Variants in ZNRF3 observed in about 807,000 individuals in gnomAD.
ZNRF3 encodes zinc and ring finger 3.
A neutral mutation model predicts 72.5 loss-of-function variants in ZNRF3; 23 were observed. The ratio of observed to expected loss-of-function variants is 0.32; its 90% CI spans 0.23 to 0.45. The LOEUF (loss-of-function observed/expected upper bound fraction) is 0.45. Ranked by LOEUF, ZNRF3 falls within the 20% of genes least tolerant of loss-of-function variation. The pLI, the probability that ZNRF3 is intolerant of heterozygous loss-of-function variation, is 1.00. For synonymous variants in ZNRF3, 610 were observed against 545.3 expected (o/e 1.12, Z -1.65); for missense variants, 1,169 against 1,272.1 (o/e 0.92, Z 1.23).
intron 1 of ZNRF3, among the ~76,000 whole-genome samples, chr22:28,894,476 T>A (rs1391809654): frequency 6.6e-6 from 1 of 151,976 alleles, no homozygotes; most frequent in East Asian, 1.9e-4. Context: ...AGGTTGCCCT[T>A]GTATTCTGGG....
chr22:28,917,153 C>T (rs966153665), intron 1 of ZNRF3, among the ~76,000 whole-genome samples: 2 of 152,174 alleles, frequency 1.3e-5, no homozygotes, highest in Non-Finnish European at 2.9e-5. Flanking sequence ...AGCTCAGCCC[C>T]ACCTGAATGC....
At chr22:28,994,418 A>G (rs1015544847) in intron 2 of ZNRF3, among the ~76,000 whole-genome samples, 3 of 150,400 alleles carry the variant, frequency 2.0e-5, no homozygotes, top group Non-Finnish European at 3.0e-5. Context: ...GCTGGTCTCA[A>G]ACTCAGGTGA....
At chr22:29,008,308 C>T (rs537816157) in intron 2 of ZNRF3, among the ~76,000 whole-genome samples, 1 of 152,276 alleles carries the variant, frequency 6.6e-6, no homozygotes, top group South Asian at 2.1e-4. Flanking sequence ...CTGTGGATTC[C>T]CCCGAGGAAC....
chr22:28,883,659 C>T lies in ZNRF3; in HGVS notation c.-108C>T. On this transcript the variant is annotated 5_prime_UTR_variant, in exon 1 of 9. Transcript: ENST00000544604. The surrounding 1 kb of genome is among the most constrained non-coding windows in gnomAD (Gnocchi z 5.5). Reference sequence around the variant, plus strand: ...AGCCTGCGACCCACAAAGCCGCCGCCGCCGCCGCCGTGATGGGGCTGTGAG... The same window carrying T: ...AGCCTGCGACCCACAAAGCCGCCGCTGCCGCCGCCGTGATGGGGCTGTGAG... 1.0e-6 allele frequency: 1 copy of T among 971,972 alleles called. No individual in the cohort carries two copies. The highest frequency in any genetic ancestry group is 1.2e-6 in the Non-Finnish European group (1 of 817,286). 60.2% of individuals were successfully genotyped at this position (971,972 alleles called of 1,614,324 possible).
intron 1 of ZNRF3, among the ~76,000 whole-genome samples, chr22:28,916,291 T>TA (rs1319936591): frequency 6.6e-6 from 1 of 152,146 alleles, no homozygotes; most frequent in Non-Finnish European, 1.5e-5. Context: ...CTTGAACTCT[T>TA]AGACTCAAGG....
chr22:29,052,860 A>G (rs2037232870), intron 8 of ZNRF3, among the ~76,000 whole-genome samples: 1 of 152,112 alleles, frequency 6.6e-6, no homozygotes, highest in Non-Finnish European at 1.5e-5. Context: ...GCACGGTGAC[A>G]CATGCCATTA....
intron 1 of ZNRF3, among the ~76,000 whole-genome samples, chr22:28,898,926 GTTTTTTTTTTT>G: frequency 8.8e-6 from 1 of 114,080 alleles, no homozygotes; most frequent in African/African-American, 3.2e-5. Flanking sequence ...ACATGCTGAG[GTTTTTTTTTTT>G]TTTTTTTTTT....
intron 1 of ZNRF3, among the ~76,000 whole-genome samples, chr22:28,929,646 A>C (rs2034670741): frequency 6.6e-6 from 1 of 152,216 alleles, no homozygotes; most frequent in Non-Finnish European, 1.5e-5. Context: ...AAAATCCAGA[A>C]GTGTCTAGAT....
intron 2 of ZNRF3, among the ~76,000 whole-genome samples, chr22:29,020,827 C>T (rs1279567082): frequency 4.7e-5 from 7 of 147,886 alleles, no homozygotes; most frequent in South Asian, 4.3e-4. Flanking sequence ...GACAGAGTCT[C>T]GCTCTGTTGC....
intron 1 of ZNRF3, among the ~76,000 whole-genome samples, chr22:28,969,202 C>A (rs954044358): frequency 6.6e-6 from 1 of 152,180 alleles, no homozygotes; most frequent in African/African-American, 2.4e-5. Flanking sequence ...CTTTTAGTTC[C>A]CAGTCCACCA....
chr22:28,906,594 T>C (rs1355280486), intron 1 of ZNRF3, among the ~76,000 whole-genome samples: 1 of 152,202 alleles, frequency 6.6e-6, no homozygotes, highest in Non-Finnish European at 1.5e-5. Context: ...AGATGATATA[T>C]GTAAGGTGTA....
In ZNRF3 at chr22:29,050,272, C is replaced by A. The variant is rs972052731; in HGVS notation, c.2091C>A (p.Leu697=). Residue 697 remains leucine (L), a synonymous_variant, in exon 8 of 9, where the codon CTC becomes CTA. Coordinates refer to ENST00000544604, the MANE Select transcript of ZNRF3 (RefSeq NM_001206998.2). ...LEASPGAAPD[L]RRTWKGGHEL... is the part of the protein sequence containing the mutation. ...CTTCTCCTGGGGCCGCCCCTGACCT[C>A]AGGAGGACCTGGAAGGGGGGCCACG... The A allele has an allele frequency of 1.9e-6, 3 of 1,597,844 alleles. No individual in the cohort carries two copies.
At position 29,048,972 on chromosome 22, in the gene ZNRF3, T is replaced by C. The variant is rs1449343158; in HGVS notation, c.1016-225T>C. ...TGTGGTGCCCTGTCAGGCAGAGCAG[T>C]GGGGAGTTGGGAGCGGGGCCCTTAC... On this transcript the variant is annotated intron_variant, in intron 7 of 8. Transcript: ENST00000544604. The surrounding 1 kb of genome is among the most constrained non-coding windows in gnomAD (Gnocchi z 4.9). Among the ~76,000 whole-genome samples, 1 of 152,136 alleles carries C rather than the reference T, an allele frequency of 6.6e-6. No homozygotes were observed. The highest frequency in any genetic ancestry group is 1.5e-5 in the Non-Finnish European group (1 of 68,022).
chr22:29,046,658 G>A lies in ZNRF3; in HGVS notation c.745-58G>A, dbSNP rs1601709286. 4 of 1,472,928 alleles carry A rather than the reference G, an allele frequency of 2.7e-6. No individual in the cohort carries two copies. In the East Asian group the frequency reaches 9.7e-5, roughly 36 times the overall value. The allele number at this position is 1,472,928 out of a possible 1,614,324, so 91.2% of individuals were successfully genotyped here. On this transcript the variant is annotated intron_variant, in intron 5 of 8. Coordinates refer to ENST00000544604, the MANE Select transcript of ZNRF3 (RefSeq NM_001206998.2). The stretch of plus-strand genomic sequence containing the variant: ...AGTGAATCGTGTGTCATGTCCCTGG[G>A]GTGACTGCCACTTTCATACGTACTG...
At chr22:28,903,939 G>A (rs887533883) in intron 1 of ZNRF3, among the ~76,000 whole-genome samples, 1 of 152,156 alleles carries the variant, frequency 6.6e-6, no homozygotes, top group Non-Finnish European at 1.5e-5. Context: ...TGGCCTGTGA[G>A]TGAGCTAGCA....
chr22:28,947,053 CT>C (rs1459727751), intron 1 of ZNRF3, among the ~76,000 whole-genome samples: 2 of 152,150 alleles, frequency 1.3e-5, no homozygotes. Flanking sequence ...TTCTATTGGG[CT>C]CATCATTTGG....
Position 29,049,149 on chromosome 22 carries a change from A to G in ZNRF3, c.1016-48A>G, listed in dbSNP as rs2037130007. 2.0e-6 allele frequency: 3 copies of G among 1,516,480 alleles called. No homozygotes were observed. Among genetic ancestry groups the G allele is most frequent in the Middle Eastern group, 1.9e-4 (1 of 5,216 alleles). The allele number at this position is 1,516,480 out of a possible 1,614,324, so 93.9% of individuals were successfully genotyped here. A position where few individuals can be genotyped will look rare whatever the true frequency, so the allele number is the denominator to read the frequency against. On this transcript the variant is annotated intron_variant, in intron 7 of 8. Coordinates refer to ENST00000544604, the MANE Select transcript of ZNRF3 (RefSeq NM_001206998.2). The surrounding 1 kb of genome is among the most constrained non-coding windows in gnomAD (Gnocchi z 5.2). ...TTTAAAAATCCCTTTAGCCTCTGAC[A>G]CCAGTATGCTCAGCCCTGCCTACTC...
chr22:28,925,648 A>T (rs570165800), intron 1 of ZNRF3, among the ~76,000 whole-genome samples: 1 of 152,252 alleles, frequency 6.6e-6, no homozygotes, highest in East Asian at 1.9e-4. Context: ...TTCCACCGTT[A>T]ACATTTCACT....
intron 1 of ZNRF3, among the ~76,000 whole-genome samples, chr22:28,983,247 T>A (rs1018934985): frequency 1.3e-5 from 2 of 151,402 alleles, no homozygotes; most frequent in African/African-American, 4.9e-5. Context: ...TGGAGGAGAG[T>A]GGGAAGGAAT....
Sources: allele counts gnomAD v4.1 joint callset (sites outside exome capture counted in the v4.1 genomes callset), GRCh38; gene constraint gnomAD v4.1.1; non-coding constraint Gnocchi (gnomAD v3.1); transcripts MANE v1.5; gene names NCBI Gene and HGNC (gene_info 2026-07-23, HGNC 2026-07-21).